ZNF19: variants seen among roughly 807,000 people sequenced by gnomAD.
ZNF19 encodes the protein zinc finger protein 19, also known as zinc finger protein 19 (KOX 12).
ZNF19 carries 11 observed loss-of-function variants against 13.1 expected under a neutral mutation model. The ratio of observed to expected loss-of-function variants is 0.84; its 90% CI spans 0.53 to 1.39. ZNF19 has a LOEUF of 1.39. Ranked by LOEUF, ZNF19 falls within the 40% of genes most tolerant of loss-of-function variation. The pLI is 0.00. For missense variants in ZNF19, 560 were observed against 547.0 expected, an observed-to-expected ratio of 1.02 and a Z score of -0.24; for synonymous variants, 186 against 187.0, an observed-to-expected ratio of 0.99 and a Z score of 0.04.
intron 3 of ZNF19, among the ~76,000 whole-genome samples, chr16:71,481,551 A>C (rs1228377513): frequency 6.6e-6 from 1 of 152,200 alleles, no homozygotes; most frequent in Admixed American, 6.5e-5. Flanking sequence ...TTGGGAGTGT[A>C]GACTTTTCCT....
chr16:71,487,198 G>A (rs2043684899), intron 1 of ZNF19: 1 of 152,182 alleles, frequency 6.6e-6, no homozygotes, highest in Non-Finnish European at 1.5e-5. Context: ...GAGGAACATG[G>A]TGGAAGGTGA....
At chr16:71,485,821 C>T (rs2043674543) in intron 1 of ZNF19, among the ~76,000 whole-genome samples, 1 of 152,152 alleles carries the variant, frequency 6.6e-6, no homozygotes, top group Non-Finnish European at 1.5e-5. Context: ...TGTTCAGAGA[C>T]TTGCGCAAAC....
chr16:71,487,466 G>T (rs1567571903), intron 1 of ZNF19: 1 of 152,494 alleles, frequency 6.6e-6, no homozygotes, highest in African/African-American at 2.4e-5. Context: ...CCAGTCTCAG[G>T]TATATCTGTA....
chr16:71,476,082 G>A lies in ZNF19; in HGVS notation c.465C>T (p.Pro155=). Residue 155 remains proline (P), a synonymous_variant, in exon 6 of 6, where the codon CCC becomes CCT. Coordinates refer to ENST00000288177, the MANE Select transcript of ZNF19 (RefSeq NM_006961.4). ...KNIQGKVPRI[P]CARKPFICEE... is the part of the protein sequence containing the mutation. Reference sequence around the variant, plus strand: ...CACATATGAAAGGTTTCCTTGCACAGGGGATTCTTGGAACCTTTCCTTGGA... The same window carrying A: ...CACATATGAAAGGTTTCCTTGCACAAGGGATTCTTGGAACCTTTCCTTGGA... The A allele has an allele frequency of 1.2e-6, 2 of 1,614,176 alleles. No homozygotes were observed. Among genetic ancestry groups the A allele is most frequent in the Non-Finnish European group, 1.7e-6 (2 of 1,180,012 alleles).
intron 2 of ZNF19, among the ~76,000 whole-genome samples, chr16:71,482,573 ACC>A (rs2043644489): frequency 6.6e-6 from 1 of 152,196 alleles, no homozygotes; most frequent in African/African-American, 2.4e-5. Context: ...AATCTTTTGA[ACC>A]TTTAATTTTT....
At chr16:71,485,136 A>T (rs1208131618) in intron 1 of ZNF19, among the ~76,000 whole-genome samples, 2 of 152,128 alleles carry the variant, frequency 1.3e-5, no homozygotes, top group African/African-American at 2.4e-5. Flanking sequence ...AGAGGTAAAG[A>T]CCCAGACACG....
intron 2 of ZNF19, among the ~76,000 whole-genome samples, chr16:71,482,956 G>C (rs2043647137): frequency 6.6e-6 from 1 of 152,198 alleles, no homozygotes; most frequent in African/African-American, 2.4e-5. Context: ...ACCCACCTCG[G>C]CCTCCCAAAG....
At chr16:71,476,789 A>G (rs1191246254) in intron 5 of ZNF19, among the ~76,000 whole-genome samples, 1 of 152,240 alleles carries the variant, frequency 6.6e-6, no homozygotes, top group Admixed American at 6.5e-5. Flanking sequence ...GACAGAGAGA[A>G]AGAAAATCAC....
chr16:71,487,149 G>A (rs919660094), intron 1 of ZNF19: 1 of 152,150 alleles, frequency 6.6e-6, no homozygotes, highest in Non-Finnish European at 1.5e-5. Context: ...TGTGTCCCCA[G>A]GCAAATCTCA....
chr16:71,480,694 A>G (rs79930954), intron 3 of ZNF19, among the ~76,000 whole-genome samples: 1,596 of 152,136 alleles, frequency 0.01, 33 homozygotes, highest in African/African-American at 0.037. Flanking sequence ...GACTTCATCA[A>G]CTCCTGAATG....
chr16:71,481,235 A>G (rs1447175605), intron 3 of ZNF19, among the ~76,000 whole-genome samples: 1 of 152,224 alleles, frequency 6.6e-6, no homozygotes, highest in Non-Finnish European at 1.5e-5. Flanking sequence ...GGAAGCTGAT[A>G]TATCAGTGAC....
chr16:71,482,255 GGT>G, intron 2 of ZNF19, 112 bp from the exon 3 acceptor site: 1 of 864,022 alleles, frequency 1.2e-6, no homozygotes, highest in African/African-American at 1.7e-5. Context: ...ATGCTCACTG[GGT>G]TAGTGGTGCA....
chr16:71,478,738 A>G, intron 4 of ZNF19, 141 bp downstream of exon 4: 1 of 1,244,838 alleles, frequency 8.0e-7, no homozygotes, highest in Non-Finnish European at 1.1e-6. Flanking sequence ...TTGGTCACTG[A>G]GCCTCAGCTC....
In ZNF19 at chr16:71,483,547, C is replaced by T. The variant is rs76391501; in HGVS notation, c.-30+1042G>A. ...ATTACAACTGAGATTCTCTGCCTGC[C>T]ATTCTCTCCAGTAATCTAGCCGCCA... On this transcript the variant is annotated intron_variant, in intron 2 of 5. Transcript: ENST00000288177. 7.0e-3 allele frequency among the ~76,000 whole-genome samples: 1,062 copies of T among 152,048 alleles called. 20 individuals are homozygous for T. The highest frequency in any genetic ancestry group is 0.025 in the African/African-American group (1,020 of 41,530).
intron 4 of ZNF19, chr16:71,478,592 G>A: frequency 7.4e-6 from 5 of 673,976 alleles, no homozygotes; most frequent in Non-Finnish European, 2.7e-6. Context: ...CCCTTCCCCA[G>A]ACAACAACTA....
Position 71,478,227 on chromosome 16 carries a change from C to T in ZNF19, c.274+1G>A. On this transcript the variant is annotated splice_donor_variant, in intron 5 of 5. Transcript: ENST00000288177. LOFTEE classifies it high-confidence loss of function. ...GTTGGTTCTAAATCTGCCTCACCTA[C>T]CTTTACAGACGTTTTTGGTCCTCTC... is the stretch of plus-strand genomic sequence containing the variant. 6.2e-7 allele frequency: 1 copy of T among 1,611,696 alleles called. No homozygotes were observed. Among genetic ancestry groups the T allele is most frequent in the Non-Finnish European group, 8.5e-7 (1 of 1,178,050 alleles).
At chr16:71,479,092 G>A (rs768765403) in intron 3 of ZNF19, 87 bp from the exon 4 acceptor site, 32 of 1,582,146 alleles carry the variant, frequency 2.0e-5, no homozygotes, top group Admixed American at 6.7e-5. Flanking sequence ...AGGGACTTGA[G>A]GGAAAGTCCT....
At chr16:71,477,235 G>A (rs1262620001) in intron 5 of ZNF19, among the ~76,000 whole-genome samples, 1 of 152,190 alleles carries the variant, frequency 6.6e-6, no homozygotes, top group Non-Finnish European at 1.5e-5. Context: ...ATGTTCAGAG[G>A]AGAGTAATCT....
At chr16:71,477,854 C>T (rs1381719285) in intron 5 of ZNF19, 1 of 175,434 alleles carries the variant, frequency 5.7e-6, no homozygotes, top group African/African-American at 2.4e-5. Flanking sequence ...CCACTCCCAA[C>T]AGCACTTAAT....
Sources: allele counts gnomAD v4.1 joint callset (sites outside exome capture counted in the v4.1 genomes callset), GRCh38; gene constraint gnomAD v4.1.1; transcripts MANE v1.5; gene names NCBI Gene and HGNC (gene_info 2026-07-23, HGNC 2026-07-21).